Variants in NKAIN4 observed in about 807,000 individuals in gnomAD.
NKAIN4 encodes sodium/potassium-transporting ATPase subunit beta-1-interacting protein 4.
Under a neutral mutation model 28.8 loss-of-function variants are expected in NKAIN4, and 28 were observed. The ratio of observed to expected loss-of-function variants is 0.97; its 90% CI spans 0.72 to 1.33. The LOEUF is 1.33. NKAIN4 is among the 40% of genes most tolerant of loss of function. The pLI, the probability that NKAIN4 is intolerant of heterozygous loss-of-function variation, is 0.00. For synonymous variants in NKAIN4, 122 were observed against 115.6 expected, an observed-to-expected ratio of 1.06 and a Z score of -0.36; for missense variants, 289 against 277.2, an observed-to-expected ratio of 1.04 and a Z score of -0.30.
chr20:63,243,711 G>C (rs1007453524), intron 5 of NKAIN4: 5 of 250,412 alleles, frequency 2.0e-5, no homozygotes, highest in Non-Finnish European at 3.8e-5. Flanking sequence ...GCCTGGACCT[G>C]GGCAGTCTGA....
intron 1 of NKAIN4, chr20:63,254,060 C>T: frequency 6.4e-6 from 2 of 310,094 alleles, no homozygotes; most frequent in South Asian, 3.1e-5. Flanking sequence ...GGGCCACACA[C>T]GCCTCCCCAG....
Position 63,247,446 on chromosome 20 carries a change from G to A in NKAIN4, c.471+132C>T, listed in dbSNP as rs374123235. On this transcript the variant is annotated intron_variant, in intron 4 of 6. Coordinates refer to ENST00000370316, the MANE Select transcript of NKAIN4 (RefSeq NM_152864.4). Reference sequence around the variant, plus strand: ...ATACCTTAACCTCTCCAGCAAGGGTGGGGGATGAGGAAGGCAGAGACACGC... The same window carrying A: ...ATACCTTAACCTCTCCAGCAAGGGTAGGGGATGAGGAAGGCAGAGACACGC... The A allele has an allele frequency of 6.0e-3, 9,255 of 1,544,636 alleles. 39 individuals carry two copies. The highest frequency in any genetic ancestry group is 8.7e-3 in the Middle Eastern group (52 of 5,982).
At chr20:63,253,346 G>A (rs1276557913) in intron 1 of NKAIN4, 1 of 985,288 alleles carries the variant, frequency 1.0e-6, no homozygotes. Context: ...CCTTCCTGCA[G>A]GAAGGACACG....
At chr20:63,251,951 G>A (rs562987435) in intron 1 of NKAIN4, among the ~76,000 whole-genome samples, 35 of 152,276 alleles carry the variant, frequency 2.3e-4, no homozygotes, top group Middle Eastern at 3.4e-3. Flanking sequence ...GCCCCGGGGG[G>A]AAGGTAAGCG....
rs565011950 is a variant in NKAIN4, at chr20:63,245,997, T to A, written c.471+1581A>T. Among the ~76,000 whole-genome samples, 2 of 151,626 alleles carry A rather than the reference T, an allele frequency of 1.3e-5. No individual in the cohort carries two copies. The highest frequency in any genetic ancestry group is 2.9e-5 in the Non-Finnish European group (2 of 67,938). On this transcript the variant is annotated intron_variant, in intron 4 of 6. Transcript: ENST00000370316. The surrounding 1 kb of genome is among the most constrained non-coding windows in gnomAD (Gnocchi z 4.7). ...GGCTGGAGTGCAGTGGCGTGATCTCTGCTCACTGCAAGCTCTGCCTCCCGG... is the reference window on the plus strand; with the variant it reads ...GGCTGGAGTGCAGTGGCGTGATCTCAGCTCACTGCAAGCTCTGCCTCCCGG...
rs1129659 is a variant in NKAIN4 at position 63,248,817 on chromosome 20, T to A, written c.271A>T (p.Lys91Ter). Reference sequence around the variant, plus strand: ...GCTGCCTCCCAGTCTGCACTCACCTTTAAGAGGCCACCGACTTCCAGGTAG... The same window carrying A: ...GCTGCCTCCCAGTCTGCACTCACCTATAAGAGGCCACCGACTTCCAGGTAG... ...CFYLEVGGLL[K>*]DSELLTFSLS... is the part of the protein sequence containing the mutation. The change falls in exon 3 of 7, where the codon AAG (lysine) becomes TAG (stop). Residue 91 changes from lysine to a stop codon, truncating the protein, a stop_gained and splice_region_variant. Coordinates refer to ENST00000370316, the MANE Select transcript of NKAIN4 (RefSeq NM_152864.4). LOFTEE classifies it high-confidence loss of function. 1 of 1,609,808 alleles carries A rather than the reference T, an allele frequency of 6.2e-7. No homozygotes were observed. The highest frequency in any genetic ancestry group is 1.3e-5 in the African/African-American group (1 of 74,788).
At chr20:63,243,130 C>A (rs1376033507) in intron 5 of NKAIN4, among the ~76,000 whole-genome samples, 3 of 152,170 alleles carry the variant, frequency 2.0e-5, no homozygotes, top group Non-Finnish European at 2.9e-5. Flanking sequence ...ACCCCAGGTT[C>A]AAATGGGGTT....
intron 1 of NKAIN4, chr20:63,253,994 G>A (rs2067007622): frequency 1.1e-5 from 2 of 178,246 alleles, no homozygotes; most frequent in South Asian, 1.9e-4. Flanking sequence ...GCCCGGGGCC[G>A]GCTGCGGGAA....
Position 63,247,703 on chromosome 20 carries a change from G to T in NKAIN4, c.346C>A (p.His116Asn). The part of the protein sequence containing the change: ...WWRERWPGCL[H>N]EEVPAVGLGA... ...AGGCCCACTGCTGGCACCTCCTCAT[G>T]CAGACAGCCTGGCCAGCGCTCACGC... Residue 116 changes from histidine to asparagine, a missense_variant, in exon 4 of 7, where the codon CAT (histidine) becomes AAT (asparagine). Transcript: ENST00000370316. 6.5e-7 allele frequency: 1 copy of T among 1,529,248 alleles called. No individual in the cohort carries two copies. The allele number at this position is 1,529,248 out of a possible 1,614,324, so 94.7% of individuals were successfully genotyped here.
intron 1 of NKAIN4, among the ~76,000 whole-genome samples, chr20:63,250,414 A>G (rs550178570): frequency 1.3e-5 from 2 of 152,270 alleles, no homozygotes; most frequent in Admixed American, 6.5e-5. Context: ...CATCTGGAGA[A>G]TGGGAACACC....
intron 5 of NKAIN4, among the ~76,000 whole-genome samples, chr20:63,242,903 G>C: frequency 6.6e-6 from 1 of 151,390 alleles, no homozygotes. Flanking sequence ...GGGACGGCAG[G>C]GGTAGGACAG....
chr20:63,241,706 G>A (rs757599864), intron 6 of NKAIN4, 200 bp from the exon 7 acceptor site: 1 of 700,828 alleles, frequency 1.4e-6, no homozygotes, highest in Non-Finnish European at 2.7e-6. Context: ...GCAGGTCAGC[G>A]TCTTGTGCCT....
At chr20:63,242,370 G>A (rs1271182879) in intron 6 of NKAIN4, among the ~76,000 whole-genome samples, 169 bp downstream of exon 6, 1 of 152,208 alleles carries the variant, frequency 6.6e-6, no homozygotes, top group East Asian at 1.9e-4. Flanking sequence ...TACCACCCCA[G>A]AGCCTGGCAT....
At chr20:63,251,532 G>A (rs1351123222) in intron 1 of NKAIN4, among the ~76,000 whole-genome samples, 4 of 152,194 alleles carry the variant, frequency 2.6e-5, no homozygotes, top group Non-Finnish European at 4.4e-5. Flanking sequence ...CTTCCCAGAC[G>A]CTGGTGTCAC....
In NKAIN4 at chr20:63,247,726, C is replaced by T. The variant is rs980921395; in HGVS notation, c.323G>A (p.Arg108His). The part of the protein sequence containing the change: ...FSLSRHRSWW[R>H]ERWPGCLHEE... The stretch of plus-strand genomic sequence containing the variant: ...ATGCAGACAGCCTGGCCAGCGCTCA[C>T]GCCACCAGGAGCGATGCCGGGAGAG... Residue 108 changes from arginine to histidine, a missense_variant, in exon 4 of 7, where the codon CGT becomes CAT. Arg to His is a conservative substitution (Grantham distance 29, BLOSUM62 0). Transcript: ENST00000370316. 8.7e-6 allele frequency: 13 copies of T among 1,502,344 alleles called. No homozygotes were observed. In the East Asian group the frequency reaches 9.9e-5, roughly 11 times the overall value. 93.1% of individuals were successfully genotyped at this position (1,502,344 alleles called of 1,614,324 possible).
intron 3 of NKAIN4, chr20:63,248,234 G>A (rs1019537924): frequency 1.2e-5 from 2 of 168,536 alleles, no homozygotes; most frequent in African/African-American, 4.8e-5. Flanking sequence ...CCCTGGGGGA[G>A]ACCAAAATCC....
At position 63,252,546 on chromosome 20, in the gene NKAIN4, G is replaced by A. The variant is rs1262453389; in HGVS notation, c.54+1851C>T. ...TGCAGTGACTAGAGCTGTGGTCAAG[G>A]ACTCTTCTTCCCCAAGGCAGAGGAG... On this transcript the variant is annotated intron_variant, in intron 1 of 6. Coordinates refer to ENST00000370316, the MANE Select transcript of NKAIN4 (RefSeq NM_152864.4). This position sits in a 1 kb window ranked among gnomAD's most constrained non-coding sequence, Gnocchi z 4.6. Among the ~76,000 whole-genome samples the A allele has an allele frequency of 2.0e-5, 3 of 152,074 alleles. No individual in the cohort carries two copies. The highest frequency in any genetic ancestry group is 7.2e-5 in the African/African-American group (3 of 41,404).
intron 5 of NKAIN4, among the ~76,000 whole-genome samples, chr20:63,243,262 G>A (rs1213284575): frequency 1.3e-5 from 2 of 152,094 alleles, no homozygotes; most frequent in Non-Finnish European, 2.9e-5. Context: ...GCTGGGGACC[G>A]AGGCTCTGAG....
chr20:63,241,628 G>A, intron 6 of NKAIN4, 122 bp from the exon 7 acceptor site: 1 of 855,030 alleles, frequency 1.2e-6, no homozygotes, highest in African/African-American at 1.7e-5. Flanking sequence ...ACGGCTTCAG[G>A]CCTTTGGCAG....
Sources: allele counts gnomAD v4.1 joint callset (sites outside exome capture counted in the v4.1 genomes callset), GRCh38; gene constraint gnomAD v4.1.1; non-coding constraint Gnocchi (gnomAD v3.1); transcripts MANE v1.5; gene names NCBI Gene and HGNC (gene_info 2026-07-23, HGNC 2026-07-21).